The following CFAP46 variants were observed in gnomAD, a reference collection of about 807,000 sequenced individuals.
CFAP46 encodes cilia and flagella associated protein 46.
A neutral mutation model predicts 325.7 loss-of-function variants in CFAP46; 245 were observed. That is an observed-to-expected ratio of 0.75 (90% CI 0.68 to 0.84). The LOEUF (loss-of-function observed/expected upper bound fraction) is 0.84, where lower values mean the gene tolerates loss of function less well. Among genes scored for constraint, CFAP46 ranks in the 40% least tolerant of loss-of-function variants. The pLI is 0.00. For synonymous variants in CFAP46, 1,523 were observed against 1,495.9 expected (o/e 1.02, Z -0.42); for missense variants, 3,346 against 3,543.0 (o/e 0.94, Z 1.41).
At chr10:132,823,706 TGTGCTGAC>T (rs1847950442) in intron 50 of CFAP46, among the ~76,000 whole-genome samples, 1 of 136,466 alleles carries the variant, frequency 7.3e-6, no homozygotes, top group Non-Finnish European at 1.6e-5. Flanking sequence ...ATGTGTGCTG[TGTGCTGAC>T]GTGTGCTGTG....
At chr10:132,824,762 A>C (rs1285529473) in intron 50 of CFAP46, among the ~76,000 whole-genome samples, 4 of 84,912 alleles carry the variant, frequency 4.7e-5, no homozygotes, top group Admixed American at 3.1e-4. Flanking sequence ...GTGAGTGCTG[A>C]TGTGTGCTGT....
Position 132,939,767 on chromosome 10 carries a change from C to T in CFAP46, c.372-1014G>A, listed in dbSNP as rs1259040199. The stretch of plus-strand genomic sequence containing the variant: ...GCGTCTCCCTGAGTGCTGCGTCTCC[C>T]TGAGTGCTGCGTCTCGAAAGGAACC... On this transcript the variant is annotated intron_variant, in intron 4 of 57. Coordinates refer to ENST00000368586, the MANE Select transcript of CFAP46 (RefSeq NM_001200049.3). The surrounding 1 kb of genome is among the most constrained non-coding windows in gnomAD (Gnocchi z 4.6). 6.6e-6 allele frequency among the ~76,000 whole-genome samples: 1 copy of T among 152,160 alleles called. No homozygotes were observed. The highest frequency in any genetic ancestry group is 1.5e-5 in the Non-Finnish European group (1 of 68,012).
chr10:132,929,909 G>A (rs550183199), intron 8 of CFAP46, 105 bp from the exon 9 acceptor site: 2 of 779,500 alleles, frequency 2.6e-6, no homozygotes, highest in East Asian at 5.1e-5. Flanking sequence ...AGGAAATAAA[G>A]GTAGGATAAG....
At chr10:132,839,745 C>A (rs936417261) in intron 44 of CFAP46, among the ~76,000 whole-genome samples, 4 of 152,212 alleles carry the variant, frequency 2.6e-5, no homozygotes, top group African/African-American at 7.2e-5. Context: ...CTTTTTTGCA[C>A]CTGTCAAGGT....
At chr10:132,865,513 G>A (rs1329550976) in intron 35 of CFAP46, among the ~76,000 whole-genome samples, 2 of 152,212 alleles carry the variant, frequency 1.3e-5, no homozygotes, top group Admixed American at 1.3e-4. Context: ...CCGGGGAGAC[G>A]GGGCCTCAGC....
At position 132,827,933 on chromosome 10, in the gene CFAP46, C is replaced by T. The variant is rs528644122; in HGVS notation, c.7117+5425G>A. Among the ~76,000 whole-genome samples, 14 of 151,326 alleles carry T rather than the reference C, an allele frequency of 9.3e-5. No individual in the cohort carries two copies. The East Asian group carries it at 2.8e-3, about 30-fold the overall frequency. On this transcript the variant is annotated intron_variant, in intron 50 of 57. Coordinates refer to ENST00000368586, the MANE Select transcript of CFAP46 (RefSeq NM_001200049.3). The surrounding 1 kb of genome is among the most constrained non-coding windows in gnomAD (Gnocchi z 5.7). ...TAATCCTTCTGAGTGAGCCCCGTCA[C>T]CCCTCGGCGTAATCCTTCTGAGTGA...
chr10:132,836,103 G>GCCCCCCT, intron 46 of CFAP46, 39 bp downstream of exon 46: 1 of 1,474,086 alleles, frequency 6.8e-7, no homozygotes, highest in Non-Finnish European at 9.1e-7. Flanking sequence ...TGCTCCGCCT[G>GCCCCCCT]CCCTGCTCCC....
At chr10:132,895,473 A>T (rs1849306009) in intron 24 of CFAP46, among the ~76,000 whole-genome samples, 1 of 152,180 alleles carries the variant, frequency 6.6e-6, no homozygotes, top group Non-Finnish European at 1.5e-5. Context: ...ACAAGAAAGA[A>T]CACGGTGAGA....
rs1386116806 is a variant in CFAP46, at chr10:132,912,512, CCT to C, written c.2499+141_2499+142del. On this transcript the variant is annotated intron_variant, in intron 19 of 57. Coordinates refer to ENST00000368586, the MANE Select transcript of CFAP46 (RefSeq NM_001200049.3). ...CTCCTCTTTCACCTCTCTCTCCTCT[CCT>C]CTCTCTCTCTTCACCTCTCTCCTCT... 3.5e-3 allele frequency: 1,998 copies of C among 566,268 alleles called. 23 individuals are homozygous for C. The highest frequency in any genetic ancestry group is 3.0e-3 in the Non-Finnish European group (1,131 of 377,264). 35.1% of individuals were successfully genotyped at this position (566,268 alleles called of 1,614,324 possible).
chr10:132,853,753 T>G (rs1848597426), intron 39 of CFAP46, among the ~76,000 whole-genome samples: 1 of 152,252 alleles, frequency 6.6e-6, no homozygotes, highest in South Asian at 2.1e-4. Context: ...GTTCATGCTT[T>G]CAAGGAATTT....
chr10:132,941,642 T>C lies in CFAP46; in HGVS notation c.255A>G (p.Arg85=), dbSNP rs1262879046. Residue 85 remains arginine (R), a synonymous_variant, in exon 3 of 58, where the codon CGA becomes CGG. Coordinates refer to ENST00000368586, the MANE Select transcript of CFAP46 (RefSeq NM_001200049.3). The part of the protein sequence containing the change: ...VKAPITQFLG[R]AHLCRAQMCA... ...ACATCTGGGCCCTGCACAGGTGCGC[T>C]CGGCCCAGAAACTGGGTGATGGGCG... is the stretch of plus-strand genomic sequence containing the variant. 4 of 1,613,856 alleles carry C rather than the reference T, an allele frequency of 2.5e-6. No homozygotes were observed. Among genetic ancestry groups the C allele is most frequent in the Non-Finnish European group, 2.5e-6 (3 of 1,180,030 alleles).
At chr10:132,908,788 G>A (rs919126115) in intron 21 of CFAP46, among the ~76,000 whole-genome samples, 154 bp from the exon 22 acceptor site, 7 of 152,250 alleles carry the variant, frequency 4.6e-5, no homozygotes, top group Admixed American at 2.0e-4. Flanking sequence ...TGCCACGTCC[G>A]TGCCTGTGAG....
intron 24 of CFAP46, among the ~76,000 whole-genome samples, chr10:132,895,329 T>G (rs1408061201): frequency 6.6e-6 from 1 of 152,236 alleles, no homozygotes; most frequent in East Asian, 1.9e-4. Context: ...AGGGTCCTTA[T>G]GGAAAGACCC....
intron 10 of CFAP46, among the ~76,000 whole-genome samples, chr10:132,925,098 C>T (rs898187955): frequency 3.9e-5 from 6 of 152,214 alleles, no homozygotes; most frequent in South Asian, 2.1e-4. Context: ...GGAGGCTTGG[C>T]GGTGCCCACA....
At chr10:132,940,046 C>T (rs1591103911) in intron 4 of CFAP46, among the ~76,000 whole-genome samples, 1 of 152,284 alleles carries the variant, frequency 6.6e-6, no homozygotes, top group East Asian at 1.9e-4. Flanking sequence ...CCACCACTCC[C>T]GCGTCACAGC....
intron 1 of CFAP46, 35 bp downstream of exon 1, chr10:132,942,400 TC>T: frequency 7.4e-7 from 1 of 1,349,176 alleles, no homozygotes; most frequent in Non-Finnish European, 9.5e-7. Context: ...TCCCGGGGCC[TC>T]CCCGGGGCGG....
chr10:132,912,432 CCT>C (rs1849559233), intron 19 of CFAP46, among the ~76,000 whole-genome samples: 1 of 124,968 alleles, frequency 8.0e-6, no homozygotes, highest in African/African-American at 3.1e-5. Flanking sequence ...CTCTCACCTC[CCT>C]CTCTCCTCTC....
chr10:132,921,555 G>A lies in CFAP46; in HGVS notation c.1606+549C>T, dbSNP rs75577232. ...GCCCCGTCCTGTGCCTCAGGCAGTGGCTCAACCCCATTCCCCAGAGCAGGG... is the reference window on the plus strand; with the variant it reads ...GCCCCGTCCTGTGCCTCAGGCAGTGACTCAACCCCATTCCCCAGAGCAGGG... On this transcript the variant is annotated intron_variant, in intron 13 of 57. Coordinates refer to ENST00000368586, the MANE Select transcript of CFAP46 (RefSeq NM_001200049.3). Among the ~76,000 whole-genome samples the A allele has an allele frequency of 4.3e-4, 66 of 152,330 alleles. No homozygotes were observed. In the East Asian group the frequency reaches 0.011, roughly 26 times the overall value.
rs1013951131 is a variant in CFAP46 at position 132,912,602 on chromosome 10, C to G, written c.2499+53G>C. 4.3e-6 allele frequency: 6 copies of G among 1,408,862 alleles called. No homozygotes were observed. The Admixed American group carries it at 1.4e-4, about 34-fold the overall frequency. 87.3% of individuals were successfully genotyped at this position (1,408,862 alleles called of 1,614,324 possible). On this transcript the variant is annotated intron_variant, in intron 19 of 57. Transcript: ENST00000368586. The stretch of plus-strand genomic sequence containing the variant: ...CTCCTCTCCTCTCTCTCTCTCCTCT[C>G]TCCTCTCTCTCTCTCTCTCTCTCTC...
Sources: gnomAD v4.1 joint callset for allele counts (sites outside exome capture counted in the v4.1 genomes callset) on GRCh38, gnomAD v4.1.1 for gene constraint, Gnocchi (gnomAD v3.1) non-coding constraint, MANE v1.5 for transcripts, NCBI Gene and HGNC (gene_info 2026-07-23, HGNC 2026-07-21) for gene names.